MYMK: variants seen among roughly 807,000 people sequenced by gnomAD.
The protein encoded by MYMK is myomaker, myoblast fusion factor.
A neutral mutation model predicts 22.4 loss-of-function variants in MYMK; 16 were observed. That is an observed-to-expected ratio of 0.72 (90% CI 0.48 to 1.09). The LOEUF is 1.09. Among genes scored for constraint, MYMK ranks in the 50% least tolerant of loss-of-function variants. The pLI is 0.00. For synonymous variants in MYMK, 125 were observed against 127.0 expected, an observed-to-expected ratio of 0.98 and a Z score of 0.11; for missense variants, 250 against 295.6, an observed-to-expected ratio of 0.85 and a Z score of 1.13.
In MYMK at chr9:133,523,669, T is replaced by C. The variant is rs897369354; in HGVS notation, c.135+1041A>G. On this transcript the variant is annotated intron_variant, in intron 1 of 4. Transcript: ENST00000339996. Reference sequence around the variant, plus strand: ...GATCACAGGTAGATGGATGCGTAGATAGAGAGATAGATGGAGAGAGAGAGA... The same window carrying C: ...GATCACAGGTAGATGGATGCGTAGACAGAGAGATAGATGGAGAGAGAGAGA... Among the ~76,000 whole-genome samples, 17 of 112,890 alleles carry C rather than the reference T, an allele frequency of 1.5e-4. No homozygotes were observed. The East Asian group carries it at 4.0e-3, about 27-fold the overall frequency. 74.1% of individuals were successfully genotyped at this position (112,890 alleles called of 152,430 possible). A position where few individuals can be genotyped will look rare whatever the true frequency, so the allele number is the denominator to read the frequency against.
At chr9:133,514,823 C>T (rs770167681) in intron 4 of MYMK, 38 bp from the exon 5 acceptor site, 1 of 1,594,744 alleles carries the variant, frequency 6.3e-7, no homozygotes, top group East Asian at 2.2e-5. Flanking sequence ...GCCTCAGCCC[C>T]CTCCCCGAGG....
In MYMK at chr9:133,515,530, G is replaced by A. The variant is rs1564483598; in HGVS notation, c.477C>T (p.Cys159=). Residue 159 remains cysteine, a synonymous_variant, in exon 4 of 5, where the codon TGC becomes TGT. Coordinates refer to ENST00000339996, the MANE Select transcript of MYMK (RefSeq NM_001080483.3). This position sits in a 1 kb window ranked among gnomAD's most constrained non-coding sequence, Gnocchi z 5.8. Reference sequence around the variant, plus strand: ...GTAGCATCAGGGCCAGCGCCCCGAAGCAGAGGCCGGGGCCTATCTGCTGGG... The same window carrying A: ...GTAGCATCAGGGCCAGCGCCCCGAAACAGAGGCCGGGGCCTATCTGCTGGG... ...VYTQQIGPGL[C]FGALALMLRF... is the part of the protein sequence containing the mutation. The A allele has an allele frequency of 5.6e-6, 9 of 1,613,830 alleles. No individual in the cohort carries two copies. Among genetic ancestry groups the A allele is most frequent in the Non-Finnish European group, 7.6e-6 (9 of 1,179,712 alleles).
At chr9:133,518,004 C>G (rs752129840) in intron 3 of MYMK, among the ~76,000 whole-genome samples, 1 of 152,222 alleles carries the variant, frequency 6.6e-6, no homozygotes, top group Non-Finnish European at 1.5e-5. Flanking sequence ...CAGGTCCACT[C>G]CAAAGAGGTG....
intron 1 of MYMK, among the ~76,000 whole-genome samples, chr9:133,520,861 C>T (rs897857115): frequency 1.6e-4 from 24 of 152,148 alleles, no homozygotes; most frequent in African/African-American, 5.8e-4. Context: ...ATCAGAACGC[C>T]TGGGGCCTTG....
At chr9:133,519,321 C>T (rs1053197205) in intron 2 of MYMK, among the ~76,000 whole-genome samples, 1 of 152,032 alleles carries the variant, frequency 6.6e-6, no homozygotes, top group African/African-American at 2.4e-5. Context: ...AATCCCAGTG[C>T]TTTGGGAGGC....
At chr9:133,523,030 G>A (rs958617427) in intron 1 of MYMK, among the ~76,000 whole-genome samples, 6 of 152,176 alleles carry the variant, frequency 3.9e-5, no homozygotes. Flanking sequence ...ACTGGCGCTC[G>A]AGGTGGACTC....
At chr9:133,516,023 G>A (rs552259889) in intron 3 of MYMK, among the ~76,000 whole-genome samples, 48 of 152,336 alleles carry the variant, frequency 3.2e-4, no homozygotes, top group Admixed American at 7.8e-4. Flanking sequence ...CATGGGGATG[G>A]CACTTGTGGT....
rs534527126 is a variant in MYMK, at chr9:133,519,666, C to T, written c.250+508G>A. Among the ~76,000 whole-genome samples, 5 of 149,700 alleles carry T rather than the reference C, an allele frequency of 3.3e-5. No homozygotes were observed. In the South Asian group the frequency reaches 6.2e-4, roughly 19 times the overall value. ...GAGAAGAAATGAAGCCCCTCACAGG[C>T]CCGGTTAGATGGCAAGGAGCCTCAG... is the stretch of plus-strand genomic sequence containing the variant. On this transcript the variant is annotated intron_variant, in intron 2 of 4. Transcript: ENST00000339996.
At chr9:133,521,654 G>C (rs2131071443) in intron 1 of MYMK, among the ~76,000 whole-genome samples, 1 of 152,350 alleles carries the variant, frequency 6.6e-6, no homozygotes, top group Middle Eastern at 3.4e-3. Context: ...GACGCGGCTA[G>C]AGGAGGGTGA....
rs1206252004 is a variant in MYMK at position 133,515,564 on chromosome 9, C to A, written c.443G>T (p.Ser148Ile). The A allele has an allele frequency of 6.2e-7, 1 of 1,613,958 alleles. No individual in the cohort carries two copies. Among genetic ancestry groups the A allele is most frequent in the African/African-American group, 1.3e-5 (1 of 74,940 alleles). Residue 148 changes from serine (S) to isoleucine (I), a missense_variant, in exon 4 of 5, where the codon AGC becomes ATC. By Grantham distance (142) the Ser-to-Ile change is moderately radical. Coordinates refer to ENST00000339996, the MANE Select transcript of MYMK (RefSeq NM_001080483.3). The surrounding 1 kb of genome is among the most constrained non-coding windows in gnomAD (Gnocchi z 5.8). The stretch of plus-strand genomic sequence containing the variant: ...GGGGCCTATCTGCTGGGTGTAGACG[C>A]TCTTGTCTGGGTACAGGCCCTTCTT... ...KEKKGLYPDKSVYTQQIGPGL... is the reference protein window; with the variant it reads ...KEKKGLYPDKIVYTQQIGPGL...
chr9:133,524,927 C>A lies in MYMK; in HGVS notation c.-83G>T. ...GCACAGGAGCACGAAGTGGGAAGGCCAGCTCCCTTTGGGCAGGGCTCTGAT... is the reference window on the plus strand; with the variant it reads ...GCACAGGAGCACGAAGTGGGAAGGCAAGCTCCCTTTGGGCAGGGCTCTGAT... On this transcript the variant is annotated 5_prime_UTR_variant, in exon 1 of 5. Coordinates refer to ENST00000339996, the MANE Select transcript of MYMK (RefSeq NM_001080483.3). The A allele has an allele frequency of 1.3e-6, 2 of 1,495,620 alleles. No individual in the cohort carries two copies. Among genetic ancestry groups the A allele is most frequent in the South Asian group, 2.6e-5 (2 of 76,170 alleles). 92.6% of individuals were successfully genotyped at this position (1,495,620 alleles called of 1,614,324 possible).
chr9:133,515,388 G>A lies in MYMK; in HGVS notation c.516+103C>T. Reference sequence around the variant, plus strand: ...TAATACCAGACTTTGGCCTGGGGCTGTCAGAGTCCCCCCAGCGTGGGCACA... The same window carrying A: ...TAATACCAGACTTTGGCCTGGGGCTATCAGAGTCCCCCCAGCGTGGGCACA... On this transcript the variant is annotated intron_variant, in intron 4 of 4. Transcript: ENST00000339996. The surrounding 1 kb of genome is among the most constrained non-coding windows in gnomAD (Gnocchi z 5.8). 1.2e-6 allele frequency: 1 copy of A among 810,724 alleles called. No individual in the cohort carries two copies. The highest frequency in any genetic ancestry group is 1.6e-5 in the South Asian group (1 of 62,918). The allele number at this position is 810,724 out of a possible 1,614,324, so 50.2% of individuals were successfully genotyped here.
intron 4 of MYMK, 67 bp from the exon 5 acceptor site, chr9:133,514,852 C>G (rs912178289): frequency 1.3e-6 from 2 of 1,523,102 alleles, no homozygotes; most frequent in Non-Finnish European, 1.8e-6. Context: ...TCTCCAAGAC[C>G]CAGCAGAGCC....
rs763827082 is a variant in MYMK at position 133,519,008 on chromosome 9, C to T, written c.265G>A (p.Asp89Asn). The change falls in exon 3 of 5, where the codon GAC becomes AAC. Residue 89 changes from aspartate (D) to asparagine (N), a missense_variant. Physicochemically the swap from Asp to Asn is conservative, Grantham distance 23. Transcript: ENST00000339996. ...ACAAATGTTGACCTCTTGGGTTCGTCGAAGTCGGCCAGTGCTGGAGGGGCC... is the reference window on the plus strand; with the variant it reads ...ACAAATGTTGACCTCTTGGGTTCGTTGAAGTCGGCCAGTGCTGGAGGGGCC... ...WVSLMALADFDEPKRSTFVMF... is the reference protein window; with the variant it reads ...WVSLMALADFNEPKRSTFVMF... The T allele has an allele frequency of 2.0e-5, 32 of 1,613,708 alleles. No individual in the cohort carries two copies. The highest frequency in any genetic ancestry group is 1.7e-4 in the Admixed American group (10 of 59,994).
chr9:133,519,981 G>A (rs1395501611), intron 2 of MYMK, among the ~76,000 whole-genome samples, 193 bp downstream of exon 2: 1 of 152,218 alleles, frequency 6.6e-6, no homozygotes. Flanking sequence ...ATCGGCATCA[G>A]GGCATTTAAG....
intron 2 of MYMK, among the ~76,000 whole-genome samples, 199 bp downstream of exon 2, chr9:133,519,975 G>A (rs532223017): frequency 1.3e-5 from 2 of 152,284 alleles, no homozygotes; most frequent in African/African-American, 4.8e-5. Flanking sequence ...TAAAAAATCG[G>A]CATCAGGGCA....
intron 3 of MYMK, among the ~76,000 whole-genome samples, chr9:133,516,564 T>C (rs796822307): frequency 6.6e-6 from 1 of 152,250 alleles, no homozygotes; most frequent in South Asian, 2.1e-4. Flanking sequence ...AAGAGCCTTA[T>C]GCTGGGTCAG....
chr9:133,518,043 G>A (rs1844652830), intron 3 of MYMK, among the ~76,000 whole-genome samples: 1 of 152,270 alleles, frequency 6.6e-6, no homozygotes, highest in Non-Finnish European at 1.5e-5. Context: ...TTCAGGCGGT[G>A]CCTGGGCTGC....
chr9:133,524,850 A>C lies in MYMK; in HGVS notation c.-6T>G. The C allele has an allele frequency of 1.2e-6, 2 of 1,604,506 alleles. No individual in the cohort carries two copies. The highest frequency in any genetic ancestry group is 8.5e-7 in the Non-Finnish European group (1 of 1,175,094). On this transcript the variant is annotated 5_prime_UTR_variant, in exon 1 of 5. Transcript: ENST00000339996. The stretch of plus-strand genomic sequence containing the variant: ...TTGGCCACCAGCGTCCCCATGGGCC[A>C]GGAGGAAAGCACTGGCTGGGGTGGG...
Sources: gnomAD v4.1 joint callset for allele counts (sites outside exome capture counted in the v4.1 genomes callset) on GRCh38, gnomAD v4.1.1 for gene constraint, Gnocchi (gnomAD v3.1) non-coding constraint, MANE v1.5 for transcripts, NCBI Gene and HGNC (gene_info 2026-07-23, HGNC 2026-07-21) for gene names.